Variants in GFOD1 observed in about 807,000 individuals in gnomAD.
The protein encoded by GFOD1 is glucose-fructose oxidoreductase domain-containing protein 1.
Under a neutral mutation model 25.4 loss-of-function variants are expected in GFOD1, and 9 were observed. The observed-to-expected ratio is 0.35, with a 90% CI of 0.21 to 0.62. The LOEUF is 0.62. Among genes scored for constraint, GFOD1 ranks in the 20% least tolerant of loss-of-function variants. The probability of loss-of-function intolerance (pLI) is 0.72; values close to 1 mark genes in which losing one functional copy is unlikely to be tolerated. For synonymous variants in GFOD1, 253 were observed against 245.6 expected (o/e 1.03, Z -0.28); for missense variants, 403 against 556.9 (o/e 0.72, Z 2.78).
At chr6:13,471,301 T>C (rs543800769) in intron 1 of GFOD1, among the ~76,000 whole-genome samples, 1 of 152,226 alleles carries the variant, frequency 6.6e-6, no homozygotes, top group African/African-American at 2.4e-5. Flanking sequence ...CTTTGCTTCT[T>C]GGTGCTTTGA....
chr6:13,419,674 G>C lies in GFOD1; in HGVS notation c.254-54012C>G, dbSNP rs9474155. ...CCTCCTCTGCAGCGCCCGTGCCGCC[G>C]CTCCTCTGACTTCTCCCCCTCGCTT... On this transcript the variant is annotated intron_variant, in intron 1 of 1. Transcript: ENST00000379287. 2.4e-3 allele frequency among the ~76,000 whole-genome samples: 369 copies of C among 152,188 alleles called. 2 individuals are homozygous for C. Among genetic ancestry groups the C allele is most frequent in the African/African-American group, 8.3e-3 (343 of 41,508 alleles).
rs911589102 is a variant in GFOD1, at chr6:13,358,684, C to T, written c.*6059G>A. On this transcript the variant is annotated 3_prime_UTR_variant, in exon 2 of 2. Transcript: ENST00000379287. The stretch of plus-strand genomic sequence containing the variant: ...CAAGGGGCTCATTCAACAGCTTAGC[C>T]CTTGTGGTGGCTGCAGGGGACAGTA... 2.0e-5 allele frequency: 3 copies of T among 152,266 alleles called. No homozygotes were observed. The highest frequency in any genetic ancestry group is 7.2e-5 in the African/African-American group (3 of 41,454). 9.4% of individuals were successfully genotyped at this position (152,266 alleles called of 1,614,324 possible).
chr6:13,456,363 C>T (rs531294495), intron 1 of GFOD1, among the ~76,000 whole-genome samples: 5 of 152,046 alleles, frequency 3.3e-5, no homozygotes, highest in South Asian at 2.1e-4. Flanking sequence ...TTTGCAGAGA[C>T]GGGGTTTTGC....
At chr6:13,437,232 C>T (rs1167277870) in intron 1 of GFOD1, among the ~76,000 whole-genome samples, 2 of 152,188 alleles carry the variant, frequency 1.3e-5, no homozygotes, top group East Asian at 3.8e-4. Flanking sequence ...CTCCCTGCTC[C>T]ATCATCGAGT....
chr6:13,471,853 GC>G (rs1288347909), intron 1 of GFOD1: 1 of 152,494 alleles, frequency 6.6e-6, no homozygotes, highest in African/African-American at 2.4e-5. Flanking sequence ...CTACCAGCCA[GC>G]CCCATGTGGC....
rs950373787 is a variant in GFOD1, at chr6:13,365,226, C to T, written c.690G>A (p.Gly230=). The change falls in exon 2 of 2, where the codon GGG becomes GGA. Residue 230 remains glycine, a synonymous_variant. Transcript: ENST00000379287. This position sits in a 1 kb window ranked among gnomAD's most constrained non-coding sequence, Gnocchi z 9.2. ...FCTFQMVLEG[G]VCCTVTLNFN... is the part of the protein sequence containing the mutation. ...AGTTGAGGGTGACGGTGCAGCACAC[C>T]CCGCCCTCCAGCACCATCTGGAAGG... 12 of 1,614,026 alleles carry T rather than the reference C, an allele frequency of 7.4e-6. No homozygotes were observed. Among genetic ancestry groups the T allele is most frequent in the African/African-American group, 1.3e-5 (1 of 74,936 alleles).
At chr6:13,464,003 C>T (rs375255200) in intron 1 of GFOD1, among the ~76,000 whole-genome samples, 1 of 152,088 alleles carries the variant, frequency 6.6e-6, no homozygotes, top group African/African-American at 2.4e-5. Context: ...ACCATATATA[C>T]GTATATACCG....
chr6:13,416,268 T>C (rs942070902), intron 1 of GFOD1, among the ~76,000 whole-genome samples: 1 of 152,218 alleles, frequency 6.6e-6, no homozygotes, highest in African/African-American at 2.4e-5. Flanking sequence ...CTTTCCTTTA[T>C]AAATTGTCCA....
rs138760833 is a variant in GFOD1, at chr6:13,445,060, A to G, written c.253+41578T>C. Among the ~76,000 whole-genome samples the G allele has an allele frequency of 3.3e-5, 5 of 152,358 alleles. No homozygotes were observed. In the East Asian group the frequency reaches 9.6e-4, roughly 29 times the overall value. On this transcript the variant is annotated intron_variant, in intron 1 of 1. Coordinates refer to ENST00000379287, the MANE Select transcript of GFOD1 (RefSeq NM_018988.4). ...AATACCAGTCTGGCAATAACACCAC[A>G]TTAATGATCAGTAACACACCAACTT...
At chr6:13,432,687 G>C (rs545766071) in intron 1 of GFOD1, among the ~76,000 whole-genome samples, 2 of 152,238 alleles carry the variant, frequency 1.3e-5, no homozygotes, top group South Asian at 4.2e-4. Context: ...ACAACACCCA[G>C]CTACACGGTT....
chr6:13,407,623 T>C (rs528392063), intron 1 of GFOD1, among the ~76,000 whole-genome samples: 2 of 152,302 alleles, frequency 1.3e-5, no homozygotes, highest in Non-Finnish European at 1.5e-5. Context: ...TTGCCTGAGA[T>C]GGCCAAGTTC....
rs1007771131 is a variant in GFOD1, at chr6:13,416,351, G to A, written c.254-50689C>T. 1.2e-4 allele frequency among the ~76,000 whole-genome samples: 18 copies of A among 152,298 alleles called. 1 individual carries two copies. The highest frequency in any genetic ancestry group is 3.8e-4 in the African/African-American group (16 of 41,564). ...GACAGCCAGAAAACAATTAAAGAAA[G>A]GAAGAAACATCATTTCAGGTTGTGA... On this transcript the variant is annotated intron_variant, in intron 1 of 1. Coordinates refer to ENST00000379287, the MANE Select transcript of GFOD1 (RefSeq NM_018988.4).
chr6:13,470,633 G>T (rs763587563), intron 1 of GFOD1: 3 of 1,462,444 alleles, frequency 2.1e-6, no homozygotes, highest in South Asian at 2.9e-5. Flanking sequence ...TCCTGGTTCT[G>T]TTGGAAAGGG....
At chr6:13,409,062 G>A (rs1027328018) in intron 1 of GFOD1, among the ~76,000 whole-genome samples, 3 of 142,318 alleles carry the variant, frequency 2.1e-5, no homozygotes, top group African/African-American at 8.3e-5. Flanking sequence ...TCCAGCCTGG[G>A]TGACAGAGTG....
chr6:13,468,525 C>T (rs533642906), intron 1 of GFOD1, among the ~76,000 whole-genome samples: 25 of 152,288 alleles, frequency 1.6e-4, no homozygotes, highest in Non-Finnish European at 3.2e-4. Flanking sequence ...TCAACCGCCT[C>T]GTTTTCTTCA....
rs866144317 is a variant in GFOD1 at position 13,430,520 on chromosome 6, T to C, written c.253+56118A>G. 6.6e-6 allele frequency among the ~76,000 whole-genome samples: 1 copy of C among 151,742 alleles called. No homozygotes were observed. Among genetic ancestry groups the C allele is most frequent in the Non-Finnish European group, 1.5e-5 (1 of 67,934 alleles). ...GTGAAGGAACCCGAGCCACATAGGGTATGGCATCAAGCATAAACAGAGTGC... is the reference window on the plus strand; with the variant it reads ...GTGAAGGAACCCGAGCCACATAGGGCATGGCATCAAGCATAAACAGAGTGC... On this transcript the variant is annotated intron_variant, in intron 1 of 1. Coordinates refer to ENST00000379287, the MANE Select transcript of GFOD1 (RefSeq NM_018988.4). This position sits in a 1 kb window ranked among gnomAD's most constrained non-coding sequence, Gnocchi z 4.1.
At chr6:13,404,555 C>T (rs1785911234) in intron 1 of GFOD1, among the ~76,000 whole-genome samples, 1 of 152,080 alleles carries the variant, frequency 6.6e-6, no homozygotes, top group Non-Finnish European at 1.5e-5. Flanking sequence ...ATGAAGATAC[C>T]ACCAGCCTCA....
intron 1 of GFOD1, among the ~76,000 whole-genome samples, chr6:13,386,397 C>T (rs1282399982): frequency 1.3e-5 from 2 of 152,198 alleles, no homozygotes; most frequent in Non-Finnish European, 2.9e-5. Flanking sequence ...CTCCAGGTAG[C>T]ACCTGGCCTG....
intron 1 of GFOD1, among the ~76,000 whole-genome samples, chr6:13,377,861 T>C (rs886331036): frequency 1.3e-5 from 2 of 152,212 alleles, no homozygotes; most frequent in African/African-American, 4.8e-5. Context: ...GTTCCTTCAG[T>C]AGTTTTTACT....
Sources: gnomAD v4.1 joint callset for allele counts (sites outside exome capture counted in the v4.1 genomes callset) on GRCh38, gnomAD v4.1.1 for gene constraint, Gnocchi (gnomAD v3.1) non-coding constraint, MANE v1.5 for transcripts, NCBI Gene and HGNC (gene_info 2026-07-23, HGNC 2026-07-21) for gene names.